Variants in NTNG1 observed in about 807,000 individuals in gnomAD.
NTNG1 encodes netrin G1.
In NTNG1, 16 loss-of-function variants were observed where a neutral mutation model predicts 54.0. The observed-to-expected ratio is 0.30, with a 90% CI of 0.20 to 0.45. NTNG1 has a LOEUF of 0.45. Among genes scored for constraint, NTNG1 ranks in the 20% least tolerant of loss-of-function variants. NTNG1 has a pLI of 1.00. For synonymous variants in NTNG1, 255 were observed against 263.1 expected (o/e 0.97, Z 0.30); for missense variants, 530 against 678.7 (o/e 0.78, Z 2.43).
chr1:107,421,157 G>T (rs1373466790), intron 5 of NTNG1: 2 of 1,558,488 alleles, frequency 1.3e-6, no homozygotes, highest in East Asian at 2.3e-5. Flanking sequence ...GGAATTCTTG[G>T]ATTCATACAG....
At position 107,324,829 on chromosome 1, in the gene NTNG1, G is replaced by A; in HGVS notation, c.794G>A (p.Arg265Lys). 1 of 1,613,524 alleles carries A rather than the reference G, an allele frequency of 6.2e-7. No homozygotes were observed. Among genetic ancestry groups the A allele is most frequent in the South Asian group, 1.1e-5 (1 of 91,056 alleles). Residue 265 changes from arginine to lysine, a missense_variant, in exon 3 of 8, where the codon AGG becomes AAG. Arg to Lys is a conservative substitution (Grantham distance 26). Around this residue, in one of 2 missense-constraint regions of NTNG1, gnomAD observed 318 missense variants for 465.1 expected, o/e 0.68. Transcript: ENST00000370068. Reference protein sequence around the residue: ...DFFTVTDLRIRLLRPAVGEIF... With the variant: ...DFFTVTDLRIKLLRPAVGEIF... ...TTTACAGTCACAGACCTGAGGATAA[G>A]GCTGTTAAGACCAGCCGTTGGGGAA...
chr1:107,272,456 A>G (rs945643866), intron 2 of NTNG1, among the ~76,000 whole-genome samples: 2 of 152,182 alleles, frequency 1.3e-5, no homozygotes, highest in African/African-American at 2.4e-5. Flanking sequence ...ATAAATGAGC[A>G]TCTTAGAAAG....
rs78737166 is a variant in NTNG1 at position 107,396,030 on chromosome 1, A to T, written c.1060+704A>T. 0.012 allele frequency among the ~76,000 whole-genome samples: 1,810 copies of T among 152,342 alleles called. 92 individuals carry two copies. The East Asian group carries it at 0.18, about 15-fold the overall frequency. ...GAAATCCCTGATTCCCCATAGGAAA[A>T]CAGGCTCTGACATGCTCACAGAGAA... On this transcript the variant is annotated intron_variant, in intron 4 of 7. Transcript: ENST00000370068.
At chr1:107,154,611 A>G (rs985323655) in intron 2 of NTNG1, among the ~76,000 whole-genome samples, 1 of 149,836 alleles carries the variant, frequency 6.7e-6, no homozygotes, top group South Asian at 2.1e-4. Context: ...AAAAAAAAAA[A>G]AAAAAAAAAA....
chr1:107,352,446 C>T (rs564211870), intron 3 of NTNG1, among the ~76,000 whole-genome samples: 17 of 152,272 alleles, frequency 1.1e-4, no homozygotes, highest in African/African-American at 3.6e-4. Context: ...TTCTGACAGA[C>T]CCACTAGACA....
At chr1:107,347,284 T>C (rs1250346828) in intron 3 of NTNG1, among the ~76,000 whole-genome samples, 1 of 151,860 alleles carries the variant, frequency 6.6e-6, no homozygotes, top group Non-Finnish European at 1.5e-5. Context: ...AAGATCAAGG[T>C]GGGAGGACTG....
At chr1:107,324,261 T>G (rs760870326) in intron 2 of NTNG1, 21 bp from the exon 3 acceptor site, 1 of 1,604,208 alleles carries the variant, frequency 6.2e-7, no homozygotes, top group Non-Finnish European at 8.5e-7. Flanking sequence ...TGATGCACGC[T>G]CTTTTGTTCT....
At chr1:107,211,288 T>C (rs1168280530) in intron 2 of NTNG1, among the ~76,000 whole-genome samples, 2 of 152,136 alleles carry the variant, frequency 1.3e-5, no homozygotes, top group Non-Finnish European at 2.9e-5. Context: ...AGTTCAAAGT[T>C]TGTCTCATCT....
intron 2 of NTNG1, among the ~76,000 whole-genome samples, chr1:107,159,509 G>C (rs1655257381): frequency 6.6e-6 from 1 of 152,096 alleles, no homozygotes; most frequent in South Asian, 2.1e-4. Context: ...ATAATCCTCA[G>C]TCCTATCTTA....
intron 7 of NTNG1, among the ~76,000 whole-genome samples, chr1:107,461,531 CT>C (rs138280923): frequency 3.3e-4 from 40 of 120,498 alleles, no homozygotes; most frequent in South Asian, 9.9e-4. Flanking sequence ...CTCTTTTTTT[CT>C]TTTTTTTTTC....
chr1:107,416,926 T>C (rs1674251476), intron 5 of NTNG1, among the ~76,000 whole-genome samples: 1 of 152,136 alleles, frequency 6.6e-6, no homozygotes, highest in Admixed American at 6.6e-5. Flanking sequence ...TACATTTTTA[T>C]GTAAAACCAC....
intron 2 of NTNG1, among the ~76,000 whole-genome samples, chr1:107,299,028 G>C (rs1570618711): frequency 6.6e-6 from 1 of 152,134 alleles, no homozygotes; most frequent in South Asian, 2.1e-4. Flanking sequence ...GGTACATTAT[G>C]CTATTCTCTC....
chr1:107,462,261 A>T (rs577147438), intron 7 of NTNG1, among the ~76,000 whole-genome samples: 114 of 152,362 alleles, frequency 7.5e-4, no homozygotes, highest in African/African-American at 2.7e-3. Flanking sequence ...GCATTCCAGC[A>T]TATAGACCTC....
At position 107,480,948 on chromosome 1, in the gene NTNG1, G is replaced by A. The variant is rs1678673513; in HGVS notation, c.*108G>A. 1 of 801,344 alleles carries A rather than the reference G, an allele frequency of 1.2e-6. No individual in the cohort carries two copies. The highest frequency in any genetic ancestry group is 2.0e-6 in the Non-Finnish European group (1 of 500,840). The allele number at this position is 801,344 out of a possible 1,614,324, so 49.6% of individuals were successfully genotyped here. A position where few individuals can be genotyped will look rare whatever the true frequency, so the allele number is the denominator to read the frequency against. ...ACACACATACAGACACCCCCACTCA[G>A]ACAGTGTACAAACTAAGAAGGCCTA... On this transcript the variant is annotated 3_prime_UTR_variant, in exon 8 of 8. Coordinates refer to ENST00000370068, the MANE Select transcript of NTNG1 (RefSeq NM_001113226.3).
intron 3 of NTNG1, chr1:107,333,836 T>C (rs1410763491): frequency 6.9e-6 from 1 of 144,882 alleles, no homozygotes; most frequent in African/African-American, 2.5e-5. Flanking sequence ...TTTTTTTTTT[T>C]AACTGTCGCT....
chr1:107,149,407 A>T (rs753565251), intron 2 of NTNG1, among the ~76,000 whole-genome samples: 7 of 152,104 alleles, frequency 4.6e-5, no homozygotes, highest in Non-Finnish European at 8.8e-5. Context: ...TTTCCAGAAA[A>T]ATCTTATTTG....
intron 2 of NTNG1, among the ~76,000 whole-genome samples, chr1:107,239,223 A>G (rs138312950): frequency 5.4e-4 from 82 of 152,338 alleles, no homozygotes; most frequent in African/African-American, 1.8e-3. Context: ...CAGAATGTAA[A>G]CAATTTGAAT....
intron 2 of NTNG1, among the ~76,000 whole-genome samples, chr1:107,311,921 A>C (rs1253997763): frequency 6.6e-6 from 1 of 152,174 alleles, no homozygotes; most frequent in Non-Finnish European, 1.5e-5. Context: ...ACTAAAACGT[A>C]TGTTCAGAGA....
At chr1:107,444,714 C>A (rs906988815) in intron 7 of NTNG1, among the ~76,000 whole-genome samples, 1 of 152,062 alleles carries the variant, frequency 6.6e-6, no homozygotes, top group Non-Finnish European at 1.5e-5. Flanking sequence ...ACCGCAGAAC[C>A]ACTGAAGCTT....
Sources: allele counts gnomAD v4.1 joint callset (sites outside exome capture counted in the v4.1 genomes callset), GRCh38; gene constraint gnomAD v4.1.1; regional missense constraint gnomAD v4.1.1; transcripts MANE v1.5; gene names NCBI Gene and HGNC (gene_info 2026-07-23, HGNC 2026-07-21).